The following LARGE1 variants were observed in gnomAD, a reference collection of about 807,000 sequenced individuals.
The protein encoded by LARGE1 is xylosyl- and glucuronyltransferase LARGE1.
A neutral mutation model predicts 87.6 loss-of-function variants in LARGE1; 43 were observed. The ratio of observed to expected loss-of-function variants is 0.49; its 90% CI spans 0.38 to 0.63. LARGE1 has a LOEUF of 0.63. Among genes scored for constraint, LARGE1 ranks in the 30% least tolerant of loss-of-function variants. The probability of loss-of-function intolerance (pLI) is 0.00; values close to 1 mark genes in which losing one functional copy is unlikely to be tolerated. For synonymous variants in LARGE1, 434 were observed against 394.6 expected, an observed-to-expected ratio of 1.10 and a Z score of -1.18; for missense variants, 802 against 1,000.2, an observed-to-expected ratio of 0.80 and a Z score of 2.67.
intron 7 of LARGE1, among the ~76,000 whole-genome samples, chr22:33,411,122 A>G (rs1374360292): frequency 6.6e-6 from 1 of 152,196 alleles, no homozygotes; most frequent in Non-Finnish European, 1.5e-5. Flanking sequence ...TTGCAATGCT[A>G]AAGACCTGAG....
At chr22:33,496,072 G>A (rs774453634) in intron 6 of LARGE1, among the ~76,000 whole-genome samples, 2 of 152,166 alleles carry the variant, frequency 1.3e-5, no homozygotes, top group African/African-American at 2.4e-5. Flanking sequence ...AAGCCAGTCC[G>A]AGTCCCAAAG....
the LARGE1 span, among the ~76,000 whole-genome samples, chr22:33,070,586 A>C: frequency 6.6e-6 from 1 of 152,224 alleles, no homozygotes; most frequent in South Asian, 2.1e-4. Context: ...CAACAGAGAT[A>C]AACAAAGCCT....
the LARGE1 span, among the ~76,000 whole-genome samples, chr22:33,082,130 T>C: frequency 6.6e-6 from 1 of 152,216 alleles, no homozygotes; most frequent in Non-Finnish European, 1.5e-5. Context: ...CCATTTCCTT[T>C]TCACTGGCTC....
At chr22:33,648,032 C>T (rs2080674150) in intron 3 of LARGE1, among the ~76,000 whole-genome samples, 1 of 152,188 alleles carries the variant, frequency 6.6e-6, no homozygotes, top group Non-Finnish European at 1.5e-5. Context: ...GCTGGGATTA[C>T]AGGCATGAGC....
chr22:33,169,235 T>C (rs1220677856), intron 11 of LARGE1, among the ~76,000 whole-genome samples: 4 of 152,188 alleles, frequency 2.6e-5, no homozygotes, highest in Admixed American at 2.6e-4. Context: ...CTTGGTAAAA[T>C]AAGGATTGAA....
At chr22:33,115,190 G>A in the LARGE1 span, among the ~76,000 whole-genome samples, 1 of 152,098 alleles carries the variant, frequency 6.6e-6, no homozygotes, top group South Asian at 2.1e-4. Flanking sequence ...ACCATATTTG[G>A]AAGTAGGGCC....
At chr22:33,131,236 A>T in the LARGE1 span, among the ~76,000 whole-genome samples, 52,717 of 151,780 alleles carry the variant, frequency 0.35, 9,405 homozygotes, top group South Asian at 0.46. Flanking sequence ...AAGGTAAGGA[A>T]CCGTGTAAAA....
intron 2 of LARGE1, among the ~76,000 whole-genome samples, chr22:33,688,537 GA>G (rs962702591): frequency 1.3e-5 from 2 of 152,112 alleles, no homozygotes; most frequent in Non-Finnish European, 2.9e-5. Flanking sequence ...TTTTAGTAGA[GA>G]TGGGGTTTCT....
chr22:33,804,893 T>C (rs1352381761), intron 1 of LARGE1, among the ~76,000 whole-genome samples: 2 of 152,202 alleles, frequency 1.3e-5, no homozygotes, highest in Admixed American at 6.5e-5. Context: ...ACCTCCAATC[T>C]GTATCTCCCA....
intron 1 of LARGE1, among the ~76,000 whole-genome samples, chr22:33,784,342 G>C (rs1306952850): frequency 6.6e-6 from 1 of 152,144 alleles, no homozygotes; most frequent in African/African-American, 2.4e-5. Context: ...ATGTATAGAA[G>C]AGGAAATAAA....
intron 9 of LARGE1, among the ~76,000 whole-genome samples, chr22:33,339,377 G>A (rs1490719345): frequency 2.0e-5 from 3 of 151,938 alleles, no homozygotes; most frequent in African/African-American, 7.3e-5. Flanking sequence ...CCGCACAAGG[G>A]GCGGAAAAAT....
chr22:33,547,229 G>C (rs533669007), intron 6 of LARGE1, among the ~76,000 whole-genome samples: 10 of 151,776 alleles, frequency 6.6e-5, no homozygotes, highest in East Asian at 5.8e-4. Context: ...AGGGTGGTGG[G>C]GGGGAGGGTA....
intron 1 of LARGE1, among the ~76,000 whole-genome samples, chr22:33,829,289 G>A (rs961642911): frequency 6.6e-6 from 1 of 152,072 alleles, no homozygotes; most frequent in African/African-American, 2.4e-5. Flanking sequence ...GATTACAGGT[G>A]TGAGCCACCG....
intron 6 of LARGE1, among the ~76,000 whole-genome samples, chr22:33,523,118 C>T (rs546811580): frequency 6.6e-6 from 1 of 152,118 alleles, no homozygotes; most frequent in Admixed American, 6.5e-5. Context: ...AATTCTCCTG[C>T]CTCAGCCTCC....
chr22:33,668,435 T>C (rs2081323638), intron 2 of LARGE1, among the ~76,000 whole-genome samples: 1 of 152,254 alleles, frequency 6.6e-6, no homozygotes, highest in Admixed American at 6.5e-5. Context: ...TAGAGGCATT[T>C]AGCTGCTCCA....
intron 6 of LARGE1, among the ~76,000 whole-genome samples, chr22:33,466,447 G>T (rs2068612848): frequency 1.3e-5 from 2 of 150,210 alleles, no homozygotes; most frequent in South Asian, 4.2e-4. Flanking sequence ...TTATTTCTAG[G>T]ACCTGGTGGG....
chr22:33,562,165 G>A (rs2077882398), intron 6 of LARGE1, among the ~76,000 whole-genome samples: 1 of 152,136 alleles, frequency 6.6e-6, no homozygotes, highest in African/African-American at 2.4e-5. Context: ...CCATGACCTG[G>A]CTTCTAATAG....
At chr22:33,195,847 CG>C (rs1481802209) in intron 11 of LARGE1, among the ~76,000 whole-genome samples, 2 of 151,004 alleles carry the variant, frequency 1.3e-5, no homozygotes, top group East Asian at 3.9e-4. Flanking sequence ...CTCTGCCTCC[CG>C]GGTTCACGCT....
intron 1 of LARGE1, among the ~76,000 whole-genome samples, chr22:33,881,234 A>T (rs1456510545): frequency 6.6e-6 from 1 of 152,112 alleles, no homozygotes; most frequent in Non-Finnish European, 1.5e-5. Flanking sequence ...TGCACACACA[A>T]CACGCTGCAT....
Sources: gnomAD v4.1 joint callset for allele counts (sites outside exome capture counted in the v4.1 genomes callset) on GRCh38, gnomAD v4.1.1 for gene constraint, MANE v1.5 for transcripts, NCBI Gene and HGNC (gene_info 2026-07-23, HGNC 2026-07-21) for gene names.